Variants in EDIL3 observed in about 807,000 individuals in gnomAD.
EDIL3 encodes EGF like and discoidin domains 3.
In EDIL3, 37 loss-of-function variants were observed where a neutral mutation model predicts 67.4. The ratio of observed to expected loss-of-function variants is 0.55; its 90% CI spans 0.42 to 0.72. The LOEUF is 0.72. EDIL3 is among the 30% of genes least tolerant of loss of function. EDIL3 has a pLI of 0.00. For missense variants in EDIL3, 527 were observed against 586.3 expected (o/e 0.90, Z 1.04); for synonymous variants, 195 against 196.3 (o/e 0.99, Z 0.05).
In EDIL3 at chr5:84,346,535, C is replaced by T. The variant is rs562366128; in HGVS notation, c.67+37773G>A. Among the ~76,000 whole-genome samples the T allele has an allele frequency of 2.6e-5, 4 of 152,246 alleles. No homozygotes were observed. In the East Asian group the frequency reaches 7.7e-4, roughly 29 times the overall value. On this transcript the variant is annotated intron_variant, in intron 1 of 10. Coordinates refer to ENST00000296591, the MANE Select transcript of EDIL3 (RefSeq NM_005711.5). The stretch of plus-strand genomic sequence containing the variant: ...TTATCATAATATTTTCTTGAGTATT[C>T]TCCTGAGGTAGATGAGTACAGTGTA...
rs1444355132 is a variant in EDIL3, at chr5:84,384,613, G to C, written c.-239C>G. The C allele has an allele frequency of 6.0e-6, 2 of 333,460 alleles. No individual in the cohort carries two copies. Among genetic ancestry groups the C allele is most frequent in the African/African-American group, 2.1e-5 (1 of 46,570 alleles). 20.7% of individuals were successfully genotyped at this position (333,460 alleles called of 1,614,324 possible). On this transcript the variant is annotated 5_prime_UTR_variant, in exon 1 of 11. Coordinates refer to ENST00000296591, the MANE Select transcript of EDIL3 (RefSeq NM_005711.5). ...CGGCGCGCGGAGGTGGGTGAGCTCC[G>C]GGGAGCCGCCGGCGGGCTCAGCCCT...
chr5:84,377,226 T>C (rs1230148936), intron 1 of EDIL3, among the ~76,000 whole-genome samples: 1 of 147,336 alleles, frequency 6.8e-6, no homozygotes, highest in East Asian at 2.0e-4. Context: ...GGCAGGAGAA[T>C]GGTGTGAACC....
intron 3 of EDIL3, among the ~76,000 whole-genome samples, chr5:84,193,205 A>G (rs1249838030): frequency 1.3e-5 from 2 of 152,006 alleles, no homozygotes; most frequent in Non-Finnish European, 2.9e-5. Context: ...GAAAGGATCT[A>G]TTTTCAAAGA....
chr5:84,371,433 G>GTA (rs71879324), intron 1 of EDIL3, among the ~76,000 whole-genome samples: 63 of 128,332 alleles, frequency 4.9e-4, no homozygotes, highest in African/African-American at 1.6e-3. Flanking sequence ...ATATGTGTGT[G>GTA]TATATATATA....
At chr5:84,078,045 A>G (rs115106023) in intron 6 of EDIL3, among the ~76,000 whole-genome samples, 2 of 152,210 alleles carry the variant, frequency 1.3e-5, no homozygotes, top group Non-Finnish European at 2.9e-5. Flanking sequence ...AATAATATCA[A>G]GTATTGGTGA....
At chr5:84,163,572 A>G (rs1393830915) in intron 4 of EDIL3, among the ~76,000 whole-genome samples, 2 of 152,136 alleles carry the variant, frequency 1.3e-5, no homozygotes, top group African/African-American at 4.8e-5. Context: ...TGGATAGCTC[A>G]GAAATTCATC....
chr5:84,376,925 G>A (rs956196826), intron 1 of EDIL3, among the ~76,000 whole-genome samples: 2 of 152,152 alleles, frequency 1.3e-5, no homozygotes, highest in Non-Finnish European at 2.9e-5. Flanking sequence ...TTCCAGAAAA[G>A]TTAGCGTTTA....
intron 4 of EDIL3, among the ~76,000 whole-genome samples, chr5:84,174,803 G>A (rs1748873923): frequency 6.6e-6 from 1 of 152,142 alleles, no homozygotes; most frequent in Non-Finnish European, 1.5e-5. Context: ...AACAATCTTT[G>A]CAGAGTGATT....
At chr5:84,117,231 C>T (rs1306246859) in intron 5 of EDIL3, among the ~76,000 whole-genome samples, 1 of 151,676 alleles carries the variant, frequency 6.6e-6, no homozygotes, top group East Asian at 1.9e-4. Context: ...GGGGTTTCAC[C>T]GTGTTAGCCA....
intron 6 of EDIL3, among the ~76,000 whole-genome samples, chr5:84,071,039 G>A (rs1746731717): frequency 6.6e-6 from 1 of 152,122 alleles, no homozygotes; most frequent in Admixed American, 6.6e-5. Flanking sequence ...GAAAAATGTG[G>A]GCCAGGCTTA....
chr5:83,944,592 T>C (rs1275035209), intron 10 of EDIL3, among the ~76,000 whole-genome samples: 2 of 151,906 alleles, frequency 1.3e-5, no homozygotes, highest in Non-Finnish European at 2.9e-5. Context: ...TTAGTCTTTA[T>C]CTGAAGATTT....
intron 1 of EDIL3, among the ~76,000 whole-genome samples, chr5:84,313,323 A>C (rs1746442917): frequency 6.6e-6 from 1 of 152,218 alleles, no homozygotes; most frequent in Non-Finnish European, 1.5e-5. Context: ...TACATAAGTA[A>C]ATGTTTCTTT....
chr5:84,188,641 A>C (rs567428350), intron 3 of EDIL3, among the ~76,000 whole-genome samples: 1 of 151,894 alleles, frequency 6.6e-6, no homozygotes, highest in Non-Finnish European at 1.5e-5. Flanking sequence ...GACTTTTTAA[A>C]AGAGATAATT....
At chr5:84,014,156 T>C (rs74394759) in intron 9 of EDIL3, among the ~76,000 whole-genome samples, 2,341 of 152,274 alleles carry the variant, frequency 0.015, 54 homozygotes, top group African/African-American at 0.053. Flanking sequence ...ATACATTATA[T>C]TTTGGAGCTG....
Position 83,941,681 on chromosome 5 carries a change from A to G in EDIL3, c.*1738T>C, listed in dbSNP as rs1415840814. 6.6e-6 allele frequency: 1 copy of G among 152,038 alleles called. No homozygotes were observed. Among genetic ancestry groups the G allele is most frequent in the Non-Finnish European group, 1.5e-5 (1 of 67,922 alleles). 9.4% of individuals were successfully genotyped at this position (152,038 alleles called of 1,614,324 possible). A position where few individuals can be genotyped will look rare whatever the true frequency, so the allele number is the denominator to read the frequency against. On this transcript the variant is annotated 3_prime_UTR_variant, in exon 11 of 11. Transcript: ENST00000296591. ...GGAGGAAATAGTAATTTTGTTTTTG[A>G]AAGATGTTGAAAACTGATCACCATT...
chr5:84,053,356 G>C (rs1746377565), intron 9 of EDIL3, among the ~76,000 whole-genome samples: 1 of 152,078 alleles, frequency 6.6e-6, no homozygotes, highest in South Asian at 2.1e-4. Flanking sequence ...AGAGAAAGCA[G>C]GAAAGATCTA....
intron 2 of EDIL3, among the ~76,000 whole-genome samples, chr5:84,242,383 G>A (rs1744815295): frequency 1.3e-5 from 2 of 152,126 alleles, no homozygotes; most frequent in Non-Finnish European, 2.9e-5. Context: ...AACTCAGCCT[G>A]GCTAGCTTCT....
At chr5:84,287,185 C>T (rs538303473) in intron 1 of EDIL3, among the ~76,000 whole-genome samples, 8 of 152,198 alleles carry the variant, frequency 5.3e-5, no homozygotes, top group African/African-American at 1.9e-4. Context: ...TATTTATCCA[C>T]TTGCCTTATT....
rs894334151 is a variant in EDIL3, at chr5:83,942,142, T to G, written c.*1277A>C. On this transcript the variant is annotated 3_prime_UTR_variant, in exon 11 of 11. Coordinates refer to ENST00000296591, the MANE Select transcript of EDIL3 (RefSeq NM_005711.5). ...AGACTTTTATGGAGGCAGTGTGAGCTTTAATTTGAGAGACATGTCAATGAA... is the reference window on the plus strand; with the variant it reads ...AGACTTTTATGGAGGCAGTGTGAGCGTTAATTTGAGAGACATGTCAATGAA... The G allele has an allele frequency of 5.9e-5, 9 of 152,088 alleles. No homozygotes were observed. Among genetic ancestry groups the G allele is most frequent in the African/African-American group, 2.2e-4 (9 of 41,452 alleles). The allele number at this position is 152,088 out of a possible 1,614,324, so 9.4% of individuals were successfully genotyped here. A position where few individuals can be genotyped will look rare whatever the true frequency, so the allele number is the denominator to read the frequency against.
Sources: allele counts gnomAD v4.1 joint callset (sites outside exome capture counted in the v4.1 genomes callset), GRCh38; gene constraint gnomAD v4.1.1; transcripts MANE v1.5; gene names NCBI Gene and HGNC (gene_info 2026-07-23, HGNC 2026-07-21).